The following SERPINB8 variants were observed in gnomAD, a reference collection of about 807,000 sequenced individuals.
The protein encoded by SERPINB8 is serpin family B member 8, also known as serpin B8.
A neutral mutation model predicts 35.3 loss-of-function variants in SERPINB8; 25 were observed. That is an observed-to-expected ratio of 0.71 (90% CI 0.52 to 0.99). SERPINB8 has a LOEUF of 0.99. SERPINB8 is among the 50% of genes least tolerant of loss of function. The pLI is 0.00. For missense variants in SERPINB8, 484 were observed against 446.5 expected (o/e 1.08, Z -0.76); for synonymous variants, 186 against 160.8 (o/e 1.16, Z -1.19).
rs2144813166 is a variant in SERPINB8 at position 63,983,601 on chromosome 18, T to C, written c.447T>C (p.Asp149=). 1 of 1,614,024 alleles carries C rather than the reference T, an allele frequency of 6.2e-7. No individual in the cohort carries two copies. The highest frequency in any genetic ancestry group is 2.2e-5 in the East Asian group (1 of 44,890). The change falls in exon 5 of 7, where the codon GAT becomes GAC. Residue 149 remains aspartate (D), a synonymous_variant. Transcript: ENST00000397985. ...TAGGTAAGATTTCAGAGGTACTGGA[T>C]GCTGGGACAGTCGATCCCCTGACAA... ...KTEGKISEVL[D]AGTVDPLTKL...
At position 63,978,338 on chromosome 18, in the gene SERPINB8, T is replaced by C; in HGVS notation, c.30T>C (p.Thr10=). The C allele has an allele frequency of 6.2e-7, 1 of 1,614,200 alleles. No homozygotes were observed. The highest frequency in any genetic ancestry group is 8.5e-7 in the Non-Finnish European group (1 of 1,180,032). Residue 10 remains threonine (T), a synonymous_variant, in exon 2 of 7, where the codon ACT becomes ACC. Coordinates refer to ENST00000397985, the MANE Select transcript of SERPINB8 (RefSeq NM_002640.4). Reference sequence around the variant, plus strand: ...ATGACCTCTGTGAAGCAAATGGCACTTTTGCCATCAGCTTATTTAAAATAT... The same window carrying C: ...ATGACCTCTGTGAAGCAAATGGCACCTTTGCCATCAGCTTATTTAAAATAT... MDDLCEANG[T]FAISLFKILG... is the part of the protein sequence containing the mutation.
At position 63,978,229 on chromosome 18, in the gene SERPINB8, G is replaced by C. The variant is rs887063462; in HGVS notation, c.-10-70G>C. 2.6e-6 allele frequency: 4 copies of C among 1,544,072 alleles called. No individual in the cohort carries two copies. In the African/African-American group the frequency reaches 4.1e-5, roughly 16 times the overall value. On this transcript the variant is annotated intron_variant, in intron 1 of 6. Coordinates refer to ENST00000397985, the MANE Select transcript of SERPINB8 (RefSeq NM_002640.4). ...TACCACCTCAGCGTCCACTGACTGG[G>C]GGATGAATGACTGCGTGGCTACCGG...
chr18:63,996,061 T>G (rs1200121338), intron 1 of SERPINB8, among the ~76,000 whole-genome samples: 2 of 150,784 alleles, frequency 1.3e-5, no homozygotes, highest in African/African-American at 4.9e-5. Context: ...CTGGTGGGTT[T>G]TAGCTGCTTG....
chr18:64,003,519 A>ATGTGTGTG (rs61161137), intron 1 of SERPINB8, among the ~76,000 whole-genome samples: 2,083 of 148,126 alleles, frequency 0.014, 46 homozygotes, highest in African/African-American at 0.05. Context: ...TGAGGGACAA[A>ATGTGTGTG]TGTGTGTGTG....
intron 7 of SERPINB8, among the ~76,000 whole-genome samples, chr18:64,018,551 T>C (rs2050960875): frequency 6.6e-6 from 1 of 152,204 alleles, no homozygotes; most frequent in Non-Finnish European, 1.5e-5. Context: ...CTAAAGACAT[T>C]GTGTTTAGTG....
Position 63,978,293 on chromosome 18 carries a change from A to G in SERPINB8, c.-10-6A>G, listed in dbSNP as rs1172529783. ...TGTGCTTTTCCCTGCTGTGCCTTTG[A>G]TGCAGACCTTCTCTGATGGATGACC... On this transcript the variant is annotated splice_polypyrimidine_tract_variant and splice_region_variant and intron_variant, in intron 1 of 6. Transcript: ENST00000397985. 6.2e-7 allele frequency: 1 copy of G among 1,614,092 alleles called. No homozygotes were observed. Among genetic ancestry groups the G allele is most frequent in the East Asian group, 2.2e-5 (1 of 44,872 alleles).
chr18:63,978,946 G>A (rs2050626318), intron 2 of SERPINB8, among the ~76,000 whole-genome samples: 1 of 152,222 alleles, frequency 6.6e-6, no homozygotes. Context: ...ATCTTCTGGA[G>A]TGATTTGAGG....
chr18:63,982,783 G>A (rs1410482033), intron 4 of SERPINB8, among the ~76,000 whole-genome samples: 1 of 151,876 alleles, frequency 6.6e-6, no homozygotes, highest in Non-Finnish European at 1.5e-5. Flanking sequence ...GGCTGCTTAT[G>A]CCCTTCCTTC....
At chr18:63,974,033 G>C (rs1482911212) in intron 1 of SERPINB8, among the ~76,000 whole-genome samples, 1 of 152,186 alleles carries the variant, frequency 6.6e-6, no homozygotes, top group Non-Finnish European at 1.5e-5. Context: ...GAAAGTCATT[G>C]GTAGCTTGAT....
chr18:63,986,786 A>C (rs2144822483), intron 6 of SERPINB8, 88 bp from the exon 7 acceptor site: 1 of 1,396,132 alleles, frequency 7.2e-7, no homozygotes, highest in East Asian at 2.3e-5. Context: ...ATCTAATTGC[A>C]TGTCATTGGG....
At chr18:63,974,347 C>A (rs1397840150) in intron 1 of SERPINB8, among the ~76,000 whole-genome samples, 1 of 152,028 alleles carries the variant, frequency 6.6e-6, no homozygotes, top group Non-Finnish European at 1.5e-5. Context: ...CATAAATGCT[C>A]TTTGAATAAA....
chr18:63,989,966 A>AAAAAC (rs2050814943), downstream of SERPINB8, among the ~76,000 whole-genome samples: 1 of 144,964 alleles, frequency 6.9e-6, no homozygotes, highest in African/African-American at 2.7e-5. Flanking sequence ...AAAAAAAAAA[A>AAAAAC]AAACCAAAAT....
chr18:64,018,202 T>C (rs1343842020), intron 7 of SERPINB8, among the ~76,000 whole-genome samples: 1 of 152,224 alleles, frequency 6.6e-6, no homozygotes, highest in Non-Finnish European at 1.5e-5. Flanking sequence ...TCTTGGTTTT[T>C]AATTTTATTT....
At chr18:63,976,759 T>G (rs1056715100) in intron 1 of SERPINB8, among the ~76,000 whole-genome samples, 1 of 152,206 alleles carries the variant, frequency 6.6e-6, no homozygotes, top group Admixed American at 6.5e-5. Flanking sequence ...CAAAAATCAA[T>G]GCATCTAATT....
intron 7 of SERPINB8, among the ~76,000 whole-genome samples, chr18:64,014,055 C>T (rs1353229961): frequency 6.6e-6 from 1 of 152,052 alleles, no homozygotes; most frequent in African/African-American, 2.4e-5. Context: ...GTAATTTGGA[C>T]TACTATATGG....
At chr18:63,978,547 T>C (rs529775546) in intron 2 of SERPINB8, 71 bp downstream of exon 2, 2 of 1,564,676 alleles carry the variant, frequency 1.3e-6, no homozygotes, top group East Asian at 4.5e-5. Context: ...TGTCTTTCTG[T>C]ACTTTTGCTC....
intron 1 of SERPINB8, among the ~76,000 whole-genome samples, chr18:63,971,479 A>G (rs1412972191): frequency 6.6e-6 from 1 of 152,176 alleles, no homozygotes; most frequent in African/African-American, 2.4e-5. Flanking sequence ...CTGACTCCTC[A>G]TTTAAAATTC....
chr18:64,009,534 A>C (rs1055837973), downstream of SERPINB8, among the ~76,000 whole-genome samples: 5 of 152,242 alleles, frequency 3.3e-5, no homozygotes, highest in African/African-American at 1.2e-4. Context: ...TCAGAAGCAT[A>C]GTTCTCTTCA....
chr18:64,019,569 T>A (rs969024246), exon 8 of SERPINB8: 1 of 152,138 alleles, frequency 6.6e-6, no homozygotes, highest in Non-Finnish European at 1.5e-5. Flanking sequence ...CTCTTTCACG[T>A]TATATAAGAA....
Sources: allele counts gnomAD v4.1 joint callset (sites outside exome capture counted in the v4.1 genomes callset), GRCh38; gene constraint gnomAD v4.1.1; transcripts MANE v1.5; gene names NCBI Gene and HGNC (gene_info 2026-07-23, HGNC 2026-07-21).